Variants in CALD1 observed in about 807,000 individuals in gnomAD.
CALD1 encodes the protein caldesmon 1.
Under a neutral mutation model 99.9 loss-of-function variants are expected in CALD1, and 33 were observed. That is an observed-to-expected ratio of 0.33 (90% CI 0.25 to 0.44). The LOEUF is 0.44. CALD1 is among the 20% of genes least tolerant of loss of function. CALD1 has a pLI of 1.00. For synonymous variants in CALD1, 310 were observed against 325.0 expected (o/e 0.95, Z 0.50); for missense variants, 861 against 962.1 (o/e 0.89, Z 1.39).
intron 2 of CALD1, among the ~76,000 whole-genome samples, chr7:134,865,542 T>G (rs796876281): frequency 6.6e-6 from 1 of 152,164 alleles, no homozygotes; most frequent in African/African-American, 2.4e-5. Context: ...AAATGGCAGG[T>G]AGTTTTTCTA....
chr7:134,818,859 C>T (rs1798661191), intron 1 of CALD1, among the ~76,000 whole-genome samples: 1 of 152,130 alleles, frequency 6.6e-6, no homozygotes, highest in Non-Finnish European at 1.5e-5. Context: ...GGAAACCAAG[C>T]AGTCAACCAG....
intron 1 of CALD1, among the ~76,000 whole-genome samples, chr7:134,835,766 A>G (rs553701718): frequency 7.0e-4 from 107 of 152,314 alleles, no homozygotes; most frequent in African/African-American, 2.3e-3. Flanking sequence ...TGAGAGTCTA[A>G]TAGCATTAAA....
intron 1 of CALD1, among the ~76,000 whole-genome samples, chr7:134,772,021 T>C (rs1416726028): frequency 6.6e-6 from 1 of 152,082 alleles, no homozygotes; most frequent in Non-Finnish European, 1.5e-5. Context: ...GTTCACAACA[T>C]CTAGAACAGG....
chr7:134,835,229 G>C (rs6943333), intron 1 of CALD1, among the ~76,000 whole-genome samples: 16,778 of 152,194 alleles, frequency 0.11, 1,730 homozygotes, highest in African/African-American at 0.27. Flanking sequence ...TCTAGATCCT[G>C]ACCTGAGCCC....
chr7:134,849,301 C>T (rs1377495407), intron 2 of CALD1, among the ~76,000 whole-genome samples: 2 of 152,092 alleles, frequency 1.3e-5, no homozygotes, highest in Admixed American at 1.3e-4. Context: ...ATTATTGTTT[C>T]CTAGATTCTA....
chr7:134,889,827 C>T (rs1802058460), intron 3 of CALD1, among the ~76,000 whole-genome samples: 1 of 152,174 alleles, frequency 6.6e-6, no homozygotes, highest in African/African-American at 2.4e-5. Flanking sequence ...TGCATATATA[C>T]ATAATGATAT....
chr7:134,967,303 G>A (rs2718144), intron 14 of CALD1, among the ~76,000 whole-genome samples: 5 of 151,788 alleles, frequency 3.3e-5, no homozygotes, highest in South Asian at 4.1e-4. Flanking sequence ...CCACCAGACC[G>A]AGAACTGAGT....
intron 6 of CALD1, among the ~76,000 whole-genome samples, chr7:134,939,517 T>A (rs900210232): frequency 4.6e-5 from 7 of 152,180 alleles, no homozygotes; most frequent in African/African-American, 1.7e-4. Flanking sequence ...ACATCCTAGG[T>A]ATATACCCCA....
At chr7:134,838,090 T>G (rs1361443420) in intron 1 of CALD1, among the ~76,000 whole-genome samples, 4 of 152,226 alleles carry the variant, frequency 2.6e-5, no homozygotes, top group African/African-American at 4.8e-5. Flanking sequence ...TAAGAAAAAT[T>G]TCCTTAATTT....
intron 3 of CALD1, among the ~76,000 whole-genome samples, chr7:134,926,117 A>G (rs956942647): frequency 1.3e-5 from 2 of 152,206 alleles, no homozygotes; most frequent in African/African-American, 2.4e-5. Context: ...AAATTCAACA[A>G]GTCTAAAATT....
intron 1 of CALD1, among the ~76,000 whole-genome samples, chr7:134,835,321 T>G (rs1448041254): frequency 6.6e-6 from 1 of 152,198 alleles, no homozygotes; most frequent in Non-Finnish European, 1.5e-5. Context: ...GATTAGGTCT[T>G]ACTGCACAGC....
At chr7:134,825,535 C>CT (rs1234883869) in intron 1 of CALD1, among the ~76,000 whole-genome samples, 1 of 151,914 alleles carries the variant, frequency 6.6e-6, no homozygotes, top group African/African-American at 2.4e-5. Context: ...ATTTTATACT[C>CT]TAACTTTTGG....
chr7:134,815,985 A>G (rs1028176280), intron 1 of CALD1, among the ~76,000 whole-genome samples: 3 of 152,154 alleles, frequency 2.0e-5, no homozygotes, highest in African/African-American at 2.4e-5. Flanking sequence ...AGGGTCATTC[A>G]CTTGTGAACT....
intron 2 of CALD1, among the ~76,000 whole-genome samples, chr7:134,855,664 G>A (rs1800269030): frequency 6.6e-6 from 1 of 152,168 alleles, no homozygotes; most frequent in Non-Finnish European, 1.5e-5. Flanking sequence ...TTTATATTCG[G>A]CTGCAGAAAC....
At chr7:134,922,521 A>G (rs189707721) in intron 3 of CALD1, among the ~76,000 whole-genome samples, 113 of 152,360 alleles carry the variant, frequency 7.4e-4, no homozygotes, top group African/African-American at 2.6e-3. Context: ...AAACAAGACG[A>G]CCTATACTAT....
chr7:134,780,552 T>A (rs1189109877), intron 1 of CALD1, among the ~76,000 whole-genome samples: 3 of 152,188 alleles, frequency 2.0e-5, no homozygotes, highest in South Asian at 2.1e-4. Context: ...ATTGGCAATG[T>A]GTTTCAGAAA....
In CALD1 at chr7:134,965,106, ACT is replaced by A. The variant is rs1351592327; in HGVS notation, c.2296-197_2296-196del. On this transcript the variant is annotated intron_variant, in intron 13 of 14. Transcript: ENST00000361675. ...ACTCCAGCTTGGGCTACAGAGTGAG[ACT>A]CTGTCTCAAAAAAAATAAAAAAATA... is the stretch of plus-strand genomic sequence containing the variant. 7.4e-5 allele frequency: 34 copies of A among 456,378 alleles called. No homozygotes were observed. In the East Asian group the frequency reaches 1.3e-3, roughly 18 times the overall value. 28.3% of individuals were successfully genotyped at this position (456,378 alleles called of 1,614,324 possible).
intron 2 of CALD1, among the ~76,000 whole-genome samples, chr7:134,857,599 A>G (rs1027851119): frequency 6.6e-6 from 1 of 152,110 alleles, no homozygotes; most frequent in African/African-American, 2.4e-5. Flanking sequence ...AAATATAAAG[A>G]AAGAGGAAGC....
the CALD1 span, among the ~76,000 whole-genome samples, chr7:134,713,684 T>C: frequency 6.6e-6 from 1 of 152,142 alleles, no homozygotes; most frequent in African/African-American, 2.4e-5. Flanking sequence ...AGAAACTCAT[T>C]GATTTTAGTT....
Sources: allele counts gnomAD v4.1 joint callset (sites outside exome capture counted in the v4.1 genomes callset), GRCh38; gene constraint gnomAD v4.1.1; transcripts MANE v1.5; gene names NCBI Gene and HGNC (gene_info 2026-07-23, HGNC 2026-07-21).